SHOC1: variants seen among roughly 807,000 people sequenced by gnomAD.
SHOC1 encodes the protein protein shortage in chiasmata 1 ortholog.
A neutral mutation model predicts 179.2 loss-of-function variants in SHOC1; 136 were observed. That is an observed-to-expected ratio of 0.76 (90% CI 0.66 to 0.87). SHOC1 has a LOEUF of 0.87. SHOC1 is among the 40% of genes least tolerant of loss of function. The probability of loss-of-function intolerance (pLI) is 0.00; values close to 1 mark genes in which losing one functional copy is unlikely to be tolerated. For missense variants in SHOC1, 1,538 were observed against 1,700.8 expected, an observed-to-expected ratio of 0.90 and a Z score of 1.68; for synonymous variants, 489 against 586.6, an observed-to-expected ratio of 0.83 and a Z score of 2.41.
intron 8 of SHOC1, among the ~76,000 whole-genome samples, chr9:111,752,967 C>T (rs1470807630): frequency 6.6e-6 from 1 of 152,044 alleles, no homozygotes; most frequent in Non-Finnish European, 1.5e-5. Context: ...AATCCTAGCA[C>T]TTTGGGAGGC....
At chr9:111,738,246 T>C in intron 12 of SHOC1, 34 bp downstream of exon 12, 3 of 1,554,136 alleles carry the variant, frequency 1.9e-6, no homozygotes, top group Middle Eastern at 1.7e-4. Context: ...TCTGAAAATG[T>C]TTACATAACT....
At chr9:111,688,628 T>C (rs1831287421) in intron 27 of SHOC1, among the ~76,000 whole-genome samples, 1 of 151,826 alleles carries the variant, frequency 6.6e-6, no homozygotes. Context: ...TTGTCAGAAA[T>C]AACAAAAGTT....
chr9:111,781,750 A>AAATTAATTAATTAATTAATTAATT (rs1554724111), intron 3 of SHOC1, among the ~76,000 whole-genome samples: 3,413 of 150,960 alleles, frequency 0.023, 50 homozygotes, highest in South Asian at 0.043. Context: ...ATAAATAAAT[A>AAATTAATTAATTAATTAATTAATT]AATTTGTATG....
intron 12 of SHOC1, among the ~76,000 whole-genome samples, chr9:111,733,668 G>A (rs993087069): frequency 6.6e-6 from 1 of 152,202 alleles, no homozygotes; most frequent in African/African-American, 2.4e-5. Context: ...AGCAGTTTGA[G>A]ACCAGCTTGG....
intron 1 of SHOC1, among the ~76,000 whole-genome samples, chr9:111,794,539 G>A (rs960875324): frequency 7.2e-5 from 11 of 152,246 alleles, no homozygotes; most frequent in Middle Eastern, 3.4e-3. Context: ...AACCGAGATC[G>A]TGCCACTGCA....
At chr9:111,687,002 G>A in intron 27 of SHOC1, 132 bp from the exon 28 acceptor site, 1 of 459,184 alleles carries the variant, frequency 2.2e-6, no homozygotes, top group South Asian at 2.6e-5. Context: ...CTGGAGTGTA[G>A]TGGCGCAATC....
intron 11 of SHOC1, 71 bp downstream of exon 11, chr9:111,741,405 C>A (rs552186747): frequency 1.1e-5 from 9 of 832,532 alleles, no homozygotes; most frequent in African/African-American, 1.0e-4. Context: ...AAAAGGATAT[C>A]CCACATTTCT....
intron 18 of SHOC1, 88 bp downstream of exon 18, chr9:111,713,012 G>T: frequency 1.2e-6 from 1 of 806,958 alleles, no homozygotes; most frequent in South Asian, 1.6e-5. Flanking sequence ...TGTTAATTAT[G>T]TCTTAATTTT....
intron 5 of SHOC1, among the ~76,000 whole-genome samples, chr9:111,765,180 G>A (rs888138306): frequency 1.3e-5 from 2 of 151,354 alleles, no homozygotes; most frequent in Non-Finnish European, 2.9e-5. Context: ...TTTAATTGAT[G>A]GTGTGGAAAA....
intron 25 of SHOC1, 31 bp downstream of exon 25, chr9:111,694,200 A>G: frequency 3.9e-6 from 6 of 1,551,384 alleles, no homozygotes; most frequent in Non-Finnish European, 5.3e-6. Flanking sequence ...TTGCTTTGCA[A>G]TTATCTATTT....
intron 16 of SHOC1, among the ~76,000 whole-genome samples, chr9:111,717,331 C>A (rs1437859527): frequency 1.3e-5 from 2 of 152,114 alleles, no homozygotes; most frequent in Non-Finnish European, 2.9e-5. Flanking sequence ...TGGTGGCTCA[C>A]ACTTGTAATC....
chr9:111,772,541 C>G (rs1835658983), intron 5 of SHOC1, among the ~76,000 whole-genome samples: 1 of 152,160 alleles, frequency 6.6e-6, no homozygotes, highest in Non-Finnish European at 1.5e-5. Context: ...CTCTATTCAA[C>G]TTGTCTTGGT....
At chr9:111,737,012 A>G (rs1441774483) in intron 12 of SHOC1, among the ~76,000 whole-genome samples, 1 of 152,240 alleles carries the variant, frequency 6.6e-6, no homozygotes, top group African/African-American at 2.4e-5. Flanking sequence ...ACAATGAGGT[A>G]CCATTTCATA....
chr9:111,757,159 G>A (rs1305934838), intron 7 of SHOC1, among the ~76,000 whole-genome samples: 2 of 152,132 alleles, frequency 1.3e-5, no homozygotes, highest in African/African-American at 4.8e-5. Flanking sequence ...CCAGGCTGGA[G>A]TGCAGTGGTG....
chr9:111,779,139 A>G (rs906619118), intron 4 of SHOC1, among the ~76,000 whole-genome samples: 6 of 151,676 alleles, frequency 4.0e-5, no homozygotes, highest in Non-Finnish European at 7.4e-5. Context: ...AGAGAGATGA[A>G]GCACAGATAC....
At chr9:111,737,961 T>C in intron 12 of SHOC1, 1 of 341,654 alleles carries the variant, frequency 2.9e-6, no homozygotes, top group Non-Finnish European at 5.2e-6. Context: ...TAGGCCAATG[T>C]GAACGGAAAC....
chr9:111,690,625 A>G (rs1301896945), intron 27 of SHOC1, among the ~76,000 whole-genome samples: 1 of 152,220 alleles, frequency 6.6e-6, no homozygotes, highest in East Asian at 1.9e-4. Flanking sequence ...CCCAATATGT[A>G]CTAAAATGAG....
At position 111,780,962 on chromosome 9, in the gene SHOC1, T is replaced by C; in HGVS notation, c.225A>G (p.Lys75=). 6.2e-7 allele frequency: 1 copy of C among 1,613,580 alleles called. No homozygotes were observed. The highest frequency in any genetic ancestry group is 8.5e-7 in the Non-Finnish European group (1 of 1,179,704). ...GGAAATCCTCCACAAAGAAACTTGC[T>C]TTCCATTGGTCCAAGACTGAGGTAT... ...MTDTSVLDQW[K]ASFFVEDFLE... is the part of the protein sequence containing the mutation. Residue 75 remains lysine, a synonymous_variant, in exon 4 of 28, where the codon AAA becomes AAG. Coordinates refer to ENST00000682961, the MANE Select transcript of SHOC1 (RefSeq NM_001378211.1).
chr9:111,729,225 C>T (rs1833455631), intron 12 of SHOC1, among the ~76,000 whole-genome samples: 1 of 152,126 alleles, frequency 6.6e-6, no homozygotes, highest in Non-Finnish European at 1.5e-5. Context: ...AAGCAGTCCT[C>T]CCACCAGCTG....
Sources: allele counts gnomAD v4.1 joint callset (sites outside exome capture counted in the v4.1 genomes callset), GRCh38; gene constraint gnomAD v4.1.1; transcripts MANE v1.5; gene names NCBI Gene and HGNC (gene_info 2026-07-23, HGNC 2026-07-21).